FSD1L: variants seen among roughly 807,000 people sequenced by gnomAD.
FSD1L encodes fibronectin type III and SPRY domain containing 1 like, also known as FSD1-like protein.
FSD1L carries 45 observed loss-of-function variants against 71.6 expected under a neutral mutation model. That is an observed-to-expected ratio of 0.63 (90% CI 0.49 to 0.81). The LOEUF (loss-of-function observed/expected upper bound fraction) is 0.81, where lower values mean the gene tolerates loss of function less well. Ranked by LOEUF, FSD1L falls within the 30% of genes least tolerant of loss-of-function variation. The probability of loss-of-function intolerance (pLI) is 0.00; values close to 1 mark genes in which losing one functional copy is unlikely to be tolerated. For missense variants in FSD1L, 561 were observed against 618.1 expected (o/e 0.91, Z 0.98); for synonymous variants, 197 against 207.2 (o/e 0.95, Z 0.42).
At chr9:105,481,725 G>A (rs931581656) in intron 6 of FSD1L, among the ~76,000 whole-genome samples, 12 of 151,774 alleles carry the variant, frequency 7.9e-5, no homozygotes, top group Admixed American at 7.2e-4. Flanking sequence ...TAATTTAAAC[G>A]TAGTCATAAT....
chr9:105,461,877 A>G (rs1234220246), intron 2 of FSD1L, among the ~76,000 whole-genome samples: 1 of 151,464 alleles, frequency 6.6e-6, no homozygotes, highest in Admixed American at 6.6e-5. Context: ...AGGCAGGTGG[A>G]TATGGCTTGA....
intron 1 of FSD1L, among the ~76,000 whole-genome samples, chr9:105,455,664 C>A (rs1588912248): frequency 1.3e-5 from 2 of 152,246 alleles, no homozygotes; most frequent in East Asian, 3.9e-4. Context: ...ATCATGACTG[C>A]CAGTTGATAG....
intron 7 of FSD1L, among the ~76,000 whole-genome samples, chr9:105,502,291 T>C (rs1833808124): frequency 6.6e-6 from 1 of 152,218 alleles, no homozygotes; most frequent in Non-Finnish European, 1.5e-5. Flanking sequence ...AAATGATAGC[T>C]ATTGTTGTTA....
At chr9:105,488,521 A>C (rs1312932484) in intron 7 of FSD1L, among the ~76,000 whole-genome samples, 1 of 152,148 alleles carries the variant, frequency 6.6e-6, no homozygotes, top group Non-Finnish European at 1.5e-5. Flanking sequence ...TAAGTTTTCA[A>C]CTCCTTTGGA....
At chr9:105,442,625 T>G in the FSD1L span, among the ~76,000 whole-genome samples, 3 of 151,592 alleles carry the variant, frequency 2.0e-5, no homozygotes, top group African/African-American at 7.3e-5. Flanking sequence ...GAGGCGGAGG[T>G]TGCAGTGAGC....
rs1281745780 is a variant in FSD1L at position 105,512,832 on chromosome 9, C to T, written c.921C>T (p.Ser307=). 1 of 1,530,522 alleles carries T rather than the reference C, an allele frequency of 6.5e-7. No individual in the cohort carries two copies. The highest frequency in any genetic ancestry group is 2.5e-5 in the East Asian group (1 of 40,294). 94.8% of individuals were successfully genotyped at this position (1,530,522 alleles called of 1,614,324 possible). A position where few individuals can be genotyped will look rare whatever the true frequency, so the allele number is the denominator to read the frequency against. The change falls in exon 10 of 14, where the codon TCC becomes TCT. Residue 307 remains serine (S), a synonymous_variant. Coordinates refer to ENST00000481272, the MANE Select transcript of FSD1L (RefSeq NM_001145313.3). The part of the protein sequence containing the change: ...TKALNFNLDN[S]SSHLNLKVED... Reference sequence around the variant, plus strand: ...CACTTAACTTCAATTTGGATAACTCCTCATCCCATTTGAACCTGAAAGTTG... The same window carrying T: ...CACTTAACTTCAATTTGGATAACTCTTCATCCCATTTGAACCTGAAAGTTG...
At position 105,508,174 on chromosome 9, in the gene FSD1L, C is replaced by CT. The variant is rs11320443; in HGVS notation, c.797-422dup. On this transcript the variant is annotated intron_variant, in intron 8 of 13. Transcript: ENST00000481272. ...CCACTGCGCCCGACCACATATCACT[C>CT]TTTTTTTTTTTTTTTTTTTTTGAGA... Among the ~76,000 whole-genome samples, 282 of 100,460 alleles carry CT rather than the reference C, an allele frequency of 2.8e-3. 3 individuals carry two copies. The highest frequency in any genetic ancestry group is 0.015 in the East Asian group (59 of 3,840). The allele number at this position is 100,460 out of a possible 152,430, so 65.9% of individuals were successfully genotyped here.
chr9:105,535,209 T>G lies in FSD1L; in HGVS notation c.1269T>G (p.His423Gln). The change falls in exon 12 of 14, where the codon CAT becomes CAG. Residue 423 changes from histidine (H) to glutamine (Q), a missense_variant. Around this residue, in one of 3 missense-constraint regions of FSD1L, gnomAD observed 53 missense variants for 102.2 expected, o/e 0.52. Transcript: ENST00000481272. ...AGACAAACACTAGTTGGTGTATCCATGTCAACAACTGGCTACAAAACACAT... is the reference window on the plus strand; with the variant it reads ...AGACAAACACTAGTTGGTGTATCCAGGTCAACAACTGGCTACAAAACACAT... ...LGKTNTSWCI[H>Q]VNNWLQNTFA... The G allele has an allele frequency of 6.4e-7, 1 of 1,552,004 alleles. No individual in the cohort carries two copies. Among genetic ancestry groups the G allele is most frequent in the South Asian group, 1.2e-5 (1 of 84,060 alleles).
At chr9:105,543,088 T>G (rs987653509) in intron 13 of FSD1L, among the ~76,000 whole-genome samples, 2 of 152,166 alleles carry the variant, frequency 1.3e-5, no homozygotes, top group African/African-American at 2.4e-5. Context: ...TGCTTTTGTA[T>G]TTTGGGAGTT....
At chr9:105,542,652 T>G (rs1001595321) in intron 13 of FSD1L, among the ~76,000 whole-genome samples, 2 of 152,074 alleles carry the variant, frequency 1.3e-5, no homozygotes, top group African/African-American at 4.8e-5. Context: ...GATGGAGTTT[T>G]GCTATATTGC....
At chr9:105,523,518 G>T (rs1835316276) in intron 10 of FSD1L, 4 of 1,612,916 alleles carry the variant, frequency 2.5e-6, no homozygotes, top group Non-Finnish European at 2.5e-6. Flanking sequence ...TCAAGTTTTT[G>T]ATTACCTCTG....
chr9:105,498,297 A>G (rs983282204), intron 7 of FSD1L, among the ~76,000 whole-genome samples: 1 of 151,574 alleles, frequency 6.6e-6, no homozygotes, highest in Non-Finnish European at 1.5e-5. Flanking sequence ...ATCATTTGTC[A>G]GTGGTGGGGA....
intron 10 of FSD1L, chr9:105,520,555 C>T (rs1468058713): frequency 1.3e-4 from 164 of 1,275,256 alleles, no homozygotes; most frequent in Non-Finnish European, 1.1e-6. Context: ...AAGAATTCAT[C>T]AGCCATGGCA....
intron 1 of FSD1L, among the ~76,000 whole-genome samples, chr9:105,461,239 A>G (rs1379344023): frequency 6.6e-6 from 1 of 152,168 alleles, no homozygotes; most frequent in Non-Finnish European, 1.5e-5. Context: ...TTAAGTCTGT[A>G]TTATCCAGGA....
chr9:105,527,371 A>C (rs1319159782), intron 10 of FSD1L, among the ~76,000 whole-genome samples: 1 of 152,136 alleles, frequency 6.6e-6, no homozygotes, highest in African/African-American at 2.4e-5. Flanking sequence ...ATGTTGTTCA[A>C]ATTATGAGTA....
chr9:105,510,644 ATATGAAGCAC>A (rs746829283), intron 9 of FSD1L, among the ~76,000 whole-genome samples: 18 of 152,194 alleles, frequency 1.2e-4, no homozygotes, highest in Non-Finnish European at 2.2e-4. Context: ...GCCCTCCAAC[ATATGAAGCAC>A]TATTTCTTCT....
intron 7 of FSD1L, among the ~76,000 whole-genome samples, chr9:105,485,275 A>G (rs1017960734): frequency 2.0e-5 from 3 of 152,220 alleles, no homozygotes; most frequent in African/African-American, 4.8e-5. Context: ...GCCTCATGCT[A>G]TGTCAAAACA....
chr9:105,508,200 CAG>C (rs1463149286), intron 8 of FSD1L, among the ~76,000 whole-genome samples: 2 of 112,452 alleles, frequency 1.8e-5, no homozygotes, highest in African/African-American at 3.5e-5. Context: ...TTTTTTGAGA[CAG>C]AGTCCTGCTC....
intron 9 of FSD1L, among the ~76,000 whole-genome samples, chr9:105,512,206 G>GT (rs1554711473): frequency 5.0e-5 from 6 of 120,602 alleles, no homozygotes; most frequent in South Asian, 5.1e-4. Flanking sequence ...TAGTTTTATG[G>GT]TTTTTTTTTA....
Sources: gnomAD v4.1 joint callset for allele counts (sites outside exome capture counted in the v4.1 genomes callset) on GRCh38, gnomAD v4.1.1 for gene constraint, gnomAD v4.1.1 regional missense constraint, MANE v1.5 for transcripts, NCBI Gene and HGNC (gene_info 2026-07-23, HGNC 2026-07-21) for gene names.